The following ARMC2 variants were observed in gnomAD, a reference collection of about 807,000 sequenced individuals.
ARMC2 encodes armadillo repeat-containing protein 2.
ARMC2 carries 67 observed loss-of-function variants against 90.3 expected under a neutral mutation model. That is an observed-to-expected ratio of 0.74 (90% CI 0.61 to 0.91). ARMC2 has a LOEUF of 0.91. Among genes scored for constraint, ARMC2 ranks in the 40% least tolerant of loss-of-function variants. The pLI, the probability that ARMC2 is intolerant of heterozygous loss-of-function variation, is 0.00. For missense variants in ARMC2, 920 were observed against 1,030.9 expected, an observed-to-expected ratio of 0.89 and a Z score of 1.47; for synonymous variants, 393 against 393.0, an observed-to-expected ratio of 1.00 and a Z score of 0.00.
At chr6:108,937,840 G>C (rs551069192) in intron 12 of ARMC2, among the ~76,000 whole-genome samples, 2 of 151,892 alleles carry the variant, frequency 1.3e-5, no homozygotes, top group Admixed American at 1.3e-4. Context: ...GACTACAGGC[G>C]TGCCACCACA....
intron 13 of ARMC2, among the ~76,000 whole-genome samples, chr6:108,958,561 G>C (rs1777761136): frequency 6.6e-6 from 1 of 152,118 alleles, no homozygotes; most frequent in African/African-American, 2.4e-5. Flanking sequence ...TTCTGGACAA[G>C]CTAACGAATT....
the ARMC2 span, among the ~76,000 whole-genome samples, chr6:108,996,222 A>G: frequency 2.0e-5 from 3 of 152,322 alleles, no homozygotes; most frequent in South Asian, 2.1e-4. Context: ...GAGACAATCT[A>G]TATCACTTGT....
At chr6:108,885,401 G>A (rs921202974) in intron 5 of ARMC2, among the ~76,000 whole-genome samples, 5 of 152,054 alleles carry the variant, frequency 3.3e-5, no homozygotes, top group African/African-American at 1.2e-4. Context: ...TTTAAGTTTA[G>A]TAATTAAGAA....
chr6:108,948,435 G>C (rs1468381053), intron 12 of ARMC2, among the ~76,000 whole-genome samples: 3 of 151,568 alleles, frequency 2.0e-5, no homozygotes, highest in Non-Finnish European at 4.4e-5. Context: ...GAAGGGAGGG[G>C]AAAAAAAGAA....
intron 17 of ARMC2, among the ~76,000 whole-genome samples, chr6:108,972,728 A>T (rs1778842443): frequency 6.6e-6 from 1 of 152,090 alleles, no homozygotes; most frequent in South Asian, 2.1e-4. Context: ...CGGTGGCATG[A>T]TCGTGCCCCA....
chr6:108,993,995 G>C, the ARMC2 span, among the ~76,000 whole-genome samples: 1 of 151,804 alleles, frequency 6.6e-6, no homozygotes, highest in Admixed American at 6.6e-5. Flanking sequence ...AAAAAATTAA[G>C]CAGGCATGGT....
chr6:108,989,786 T>C, the ARMC2 span, among the ~76,000 whole-genome samples: 9 of 152,178 alleles, frequency 5.9e-5, no homozygotes, highest in Non-Finnish European at 8.8e-5. Flanking sequence ...GATGGCTGCA[T>C]GCACCAGTTG....
intron 11 of ARMC2, among the ~76,000 whole-genome samples, chr6:108,936,197 C>T (rs987060548): frequency 6.6e-6 from 1 of 152,166 alleles, no homozygotes; most frequent in African/African-American, 2.4e-5. Flanking sequence ...CACTACCAAT[C>T]TACTATATTA....
the ARMC2 span, among the ~76,000 whole-genome samples, chr6:108,980,673 C>T: frequency 2.0e-5 from 3 of 152,174 alleles, no homozygotes; most frequent in South Asian, 6.2e-4. Context: ...ACTGGGCCTG[C>T]TGCCTTTTTT....
At chr6:108,991,293 G>A in the ARMC2 span, among the ~76,000 whole-genome samples, 1 of 152,076 alleles carries the variant, frequency 6.6e-6, no homozygotes, top group Non-Finnish European at 1.5e-5. Context: ...CCAGGCTAGA[G>A]TACAATGGTA....
At chr6:108,869,074 A>AT (rs1776122089) in intron 4 of ARMC2, 79 bp downstream of exon 4, 2 of 1,408,306 alleles carry the variant, frequency 1.4e-6, no homozygotes, top group Non-Finnish European at 1.9e-6. Flanking sequence ...ATTTTATATG[A>AT]TTTTTCCTAA....
Position 108,868,836 on chromosome 6 carries a change from C to G in ARMC2, c.304C>G (p.Pro102Ala), listed in dbSNP as rs774902629. 1 of 1,609,320 alleles carries G rather than the reference C, an allele frequency of 6.2e-7. No homozygotes were observed. Reference protein sequence around the residue: ...LSPLELKPKVPASPTREEDSC... With the variant: ...LSPLELKPKVAASPTREEDSC... ...AATCTCTTTCCAGAAACCGAAAGTT[C>G]CAGCATCTCCCACCAGAGAGGAGGA... is the stretch of plus-strand genomic sequence containing the variant. Residue 102 changes from proline (P) to alanine (A), a missense_variant, in exon 4 of 18, where the codon CCA (proline) becomes GCA (alanine). Pro to Ala is a conservative substitution (Grantham distance 27). Coordinates refer to ENST00000392644, the MANE Select transcript of ARMC2 (RefSeq NM_032131.6).
chr6:108,937,393 G>A (rs1457480347), intron 12 of ARMC2, among the ~76,000 whole-genome samples: 1 of 152,060 alleles, frequency 6.6e-6, no homozygotes, highest in African/African-American at 2.4e-5. Context: ...AGATGGGTAG[G>A]GTAGGACCTA....
chr6:108,880,474 G>A (rs763885927), intron 5 of ARMC2, among the ~76,000 whole-genome samples: 5 of 152,216 alleles, frequency 3.3e-5, no homozygotes, highest in Non-Finnish European at 7.3e-5. Context: ...TAAAGATGAT[G>A]TGGTCTTGGA....
the ARMC2 span, among the ~76,000 whole-genome samples, chr6:109,022,771 T>C: frequency 6.6e-6 from 1 of 152,110 alleles, no homozygotes; most frequent in South Asian, 2.1e-4. Flanking sequence ...CTTAGGTACA[T>C]GCTATCTTCA....
chr6:108,961,601 C>A lies in ARMC2; in HGVS notation c.1945C>A (p.Leu649Met). The A allele has an allele frequency of 6.2e-7, 1 of 1,611,154 alleles. No individual in the cohort carries two copies. The highest frequency in any genetic ancestry group is 8.5e-7 in the Non-Finnish European group (1 of 1,178,986). Residue 649 changes from leucine to methionine, a missense_variant, in exon 14 of 18, where the codon CTG (leucine) becomes ATG (methionine). Leu to Met is a conservative substitution (Grantham distance 15). Coordinates refer to ENST00000392644, the MANE Select transcript of ARMC2 (RefSeq NM_032131.6). ...EYKSLDDCEE[L>M]VINATATINN... Reference sequence around the variant, plus strand: ...CAAGTCACTTGATGATTGTGAGGAGCTGGTGATCAATGCTACAGCGACAAT... The same window carrying A: ...CAAGTCACTTGATGATTGTGAGGAGATGGTGATCAATGCTACAGCGACAAT...
chr6:108,940,006 C>T (rs1776302277), intron 12 of ARMC2, among the ~76,000 whole-genome samples: 1 of 152,214 alleles, frequency 6.6e-6, no homozygotes, highest in Non-Finnish European at 1.5e-5. Flanking sequence ...ATGTCTGCAT[C>T]TTCTTTGTAG....
rs551335667 is a variant in ARMC2, at chr6:108,969,248, T to G, written c.2446+4108T>G. On this transcript the variant is annotated intron_variant, in intron 17 of 17. Transcript: ENST00000392644. The stretch of plus-strand genomic sequence containing the variant: ...TTCTAGAACATTCGACAACTTTGCC[T>G]TATAAGAGAATGGTCAGGGCGATGA... Among the ~76,000 whole-genome samples, 3 of 152,326 alleles carry G rather than the reference T, an allele frequency of 2.0e-5. No individual in the cohort carries two copies. In the South Asian group the frequency reaches 6.2e-4, roughly 32 times the overall value.
chr6:109,022,556 C>T, the ARMC2 span, among the ~76,000 whole-genome samples: 2 of 150,862 alleles, frequency 1.3e-5, no homozygotes, highest in Non-Finnish European at 3.0e-5. Flanking sequence ...CTACAGGTGC[C>T]CACCACCACG....
Sources: gnomAD v4.1 joint callset for allele counts (sites outside exome capture counted in the v4.1 genomes callset) on GRCh38, gnomAD v4.1.1 for gene constraint, MANE v1.5 for transcripts, NCBI Gene and HGNC (gene_info 2026-07-23, HGNC 2026-07-21) for gene names.